Variants in KANK1 observed in about 807,000 individuals in gnomAD.
KANK1 encodes KN motif and ankyrin repeat domains 1.
In KANK1, 109 loss-of-function variants were observed where a neutral mutation model predicts 106.2. The ratio of observed to expected loss-of-function variants is 1.03; its 90% confidence interval spans 0.88 to 1.20. The LOEUF (loss-of-function observed/expected upper bound fraction) is 1.20. Ranked by LOEUF, KANK1 falls within the 50% of genes most tolerant of loss-of-function variation. KANK1 has a pLI of 0.00. For missense variants in KANK1, 2,399 were observed against 1,710.7 expected, an observed-to-expected ratio of 1.40 and a Z score of -7.10; for synonymous variants, 873 against 652.2, an observed-to-expected ratio of 1.34 and a Z score of -5.16.
chr9:591,319 A>G (rs935955222), intron 1 of KANK1, among the ~76,000 whole-genome samples: 4 of 151,860 alleles, frequency 2.6e-5, no homozygotes, highest in African/African-American at 9.7e-5. Context: ...CTAACTAGGA[A>G]GTAAGAATGC....
intron 1 of KANK1, among the ~76,000 whole-genome samples, chr9:611,707 A>T (rs953989368): frequency 7.9e-5 from 12 of 152,132 alleles, no homozygotes; most frequent in African/African-American, 2.9e-4. Context: ...TGTAATCTTC[A>T]TCACCTTGAC....
chr9:472,035 T>C (rs765801739), intron 2 of KANK1, among the ~76,000 whole-genome samples: 14 of 152,170 alleles, frequency 9.2e-5, no homozygotes, highest in Non-Finnish European at 1.8e-4. Context: ...AAAAGAGCCC[T>C]GCTCTCCCAG....
At chr9:708,287 C>G (rs1192178123) in intron 2 of KANK1, among the ~76,000 whole-genome samples, 1 of 152,134 alleles carries the variant, frequency 6.6e-6, no homozygotes. Context: ...GTACTGGAGA[C>G]AGGTCTGGCT....
At chr9:722,049 C>G (rs1829472067) in intron 3 of KANK1, among the ~76,000 whole-genome samples, 1 of 152,200 alleles carries the variant, frequency 6.6e-6, no homozygotes, top group African/African-American at 2.4e-5. Context: ...GTAAAAGAAA[C>G]CTGACATAGC....
At chr9:639,892 A>G (rs564193976) in intron 1 of KANK1, among the ~76,000 whole-genome samples, 1 of 152,278 alleles carries the variant, frequency 6.6e-6, no homozygotes, top group South Asian at 2.1e-4. Context: ...AGAGCTAACA[A>G]GCTTCCTCAA....
At chr9:744,370 A>G (rs1836616314) in intron 10 of KANK1, 121 bp from the exon 11 acceptor site, 1 of 1,169,220 alleles carries the variant, frequency 8.6e-7, no homozygotes, top group South Asian at 1.6e-5. Flanking sequence ...CAGAAGACCG[A>G]ACGAGTAGGG....
intron 3 of KANK1, among the ~76,000 whole-genome samples, chr9:725,528 C>T (rs1830430666): frequency 6.6e-6 from 1 of 151,016 alleles, no homozygotes. Context: ...TAGATGATCT[C>T]TAATGCCTTA....
At chr9:616,177 G>A (rs1162622349) in intron 1 of KANK1, among the ~76,000 whole-genome samples, 1 of 152,174 alleles carries the variant, frequency 6.6e-6, no homozygotes, top group Non-Finnish European at 1.5e-5. Context: ...GGTAAACTTA[G>A]GAACTGGCTT....
intron 1 of KANK1, among the ~76,000 whole-genome samples, chr9:581,563 G>A (rs1342881752): frequency 6.6e-6 from 1 of 152,172 alleles, no homozygotes; most frequent in Non-Finnish European, 1.5e-5. Context: ...AATTTGAATT[G>A]GGAATGAATC....
chr9:574,194 G>A lies in KANK1; in HGVS notation c.-84+69440G>A, dbSNP rs556122805. ...CACTCTTCCCTTAGGAAAGGGGGCC[G>A]AAGCTCTGTACCTGTAACATTCCAT... On this transcript the variant is annotated intron_variant, in intron 1 of 11. Coordinates refer to ENST00000382297, the MANE Select transcript of KANK1 (RefSeq NM_015158.5). Among the ~76,000 whole-genome samples, 539 of 152,350 alleles carry A rather than the reference G, an allele frequency of 3.5e-3. 1 individual carries two copies. The highest frequency in any genetic ancestry group is 0.014 in the Middle Eastern group (4 of 294).
intron 2 of KANK1, among the ~76,000 whole-genome samples, chr9:681,460 C>T (rs1004664046): frequency 3.9e-5 from 6 of 152,118 alleles, no homozygotes; most frequent in Non-Finnish European, 8.8e-5. Flanking sequence ...ATTGATACCT[C>T]TCTAAACACT....
chr9:531,975 G>A (rs1255113203), intron 1 of KANK1, among the ~76,000 whole-genome samples: 1 of 152,194 alleles, frequency 6.6e-6, no homozygotes, highest in Non-Finnish European at 1.5e-5. Flanking sequence ...ATGCACATGA[G>A]TGAGGAATTT....
At chr9:730,427 C>G in intron 4 of KANK1, 179 bp downstream of exon 4, 2 of 675,862 alleles carry the variant, frequency 3.0e-6, no homozygotes, top group Middle Eastern at 4.2e-4. Context: ...CATGGTGGCT[C>G]ACACCTGTGA....
At chr9:686,781 A>G (rs1321750418) in intron 2 of KANK1, 2 of 985,256 alleles carry the variant, frequency 2.0e-6, no homozygotes, top group Non-Finnish European at 2.4e-6. Flanking sequence ...CCCAAGCATC[A>G]CACACGTGCT....
At chr9:540,473 C>G (rs1465502907) in intron 1 of KANK1, 2 of 152,184 alleles carry the variant, frequency 1.3e-5, no homozygotes, top group African/African-American at 4.8e-5. Context: ...CTCTAGTCAT[C>G]AAGGACATTG....
At chr9:505,812 C>G (rs1401937036) in intron 1 of KANK1, among the ~76,000 whole-genome samples, 4 of 152,206 alleles carry the variant, frequency 2.6e-5, no homozygotes, top group African/African-American at 9.7e-5. Flanking sequence ...GATGTGTAAT[C>G]GTGCAGTTCC....
chr9:576,415 C>A (rs935556412), intron 1 of KANK1, among the ~76,000 whole-genome samples: 1 of 152,194 alleles, frequency 6.6e-6, no homozygotes, highest in Non-Finnish European at 1.5e-5. Flanking sequence ...AGAAGAGGAA[C>A]CAATATTTGC....
intron 2 of KANK1, among the ~76,000 whole-genome samples, chr9:703,319 TG>T (rs1404358342): frequency 1.3e-5 from 2 of 151,534 alleles, no homozygotes; most frequent in South Asian, 4.1e-4. Flanking sequence ...CCTTTGTCAC[TG>T]ATCTCAATTA....
At chr9:717,193 G>T (rs1827955862) in intron 3 of KANK1, among the ~76,000 whole-genome samples, 3 of 151,718 alleles carry the variant, frequency 2.0e-5, no homozygotes. Context: ...GCTGAGGTGG[G>T]AAGATCACCG....
Sources: allele counts gnomAD v4.1 joint callset (sites outside exome capture counted in the v4.1 genomes callset), GRCh38; gene constraint gnomAD v4.1.1; transcripts MANE v1.5; gene names NCBI Gene and HGNC (gene_info 2026-07-23, HGNC 2026-07-21).